HS6ST3: variants seen among roughly 807,000 people sequenced by gnomAD.
The protein encoded by HS6ST3 is heparan-sulfate 6-O-sulfotransferase 3.
HS6ST3 carries 12 observed loss-of-function variants against 36.7 expected under a neutral mutation model. The ratio of observed to expected loss-of-function variants is 0.33; its 90% CI spans 0.21 to 0.53. The LOEUF is 0.53. Ranked by LOEUF, HS6ST3 falls within the 20% of genes least tolerant of loss-of-function variation. The pLI, the probability that HS6ST3 is intolerant of heterozygous loss-of-function variation, is 0.95. For missense variants in HS6ST3, 584 were observed against 640.9 expected (o/e 0.91, Z 0.96); for synonymous variants, 240 against 257.5 (o/e 0.93, Z 0.65).
At chr13:96,514,514 G>A (rs1051333610) in intron 1 of HS6ST3, among the ~76,000 whole-genome samples, 1 of 152,126 alleles carries the variant, frequency 6.6e-6, no homozygotes, top group African/African-American at 2.4e-5. Context: ...ATTAAGGTTG[G>A]ATGAGGTCAT....
intron 1 of HS6ST3, among the ~76,000 whole-genome samples, chr13:96,823,491 A>G (rs570569957): frequency 5.3e-5 from 8 of 152,362 alleles, no homozygotes; most frequent in Middle Eastern, 3.4e-3. Context: ...AGTTAAAAAC[A>G]TGTTATAAAT....
chr13:96,356,028 T>A (rs1388476623), intron 1 of HS6ST3, among the ~76,000 whole-genome samples: 2 of 152,174 alleles, frequency 1.3e-5, no homozygotes, highest in Non-Finnish European at 2.9e-5. Flanking sequence ...CCTTACCCAT[T>A]TAAGTTTTAT....
At chr13:96,210,163 T>C (rs1024898612) in intron 1 of HS6ST3, among the ~76,000 whole-genome samples, 1 of 152,232 alleles carries the variant, frequency 6.6e-6, no homozygotes, top group African/African-American at 2.4e-5. Flanking sequence ...CCTGCTAATA[T>C]TGGGGCATTT....
At chr13:96,270,815 C>T (rs949908080) in intron 1 of HS6ST3, among the ~76,000 whole-genome samples, 2 of 151,842 alleles carry the variant, frequency 1.3e-5, no homozygotes. Flanking sequence ...TGCACTGTGT[C>T]TCCATCAGCC....
At chr13:96,720,804 T>C (rs559093602) in intron 1 of HS6ST3, among the ~76,000 whole-genome samples, 2 of 152,226 alleles carry the variant, frequency 1.3e-5, no homozygotes, top group Non-Finnish European at 2.9e-5. Flanking sequence ...GACATAGATA[T>C]GTTTTGCAGT....
At chr13:96,664,322 T>C (rs1341081310) in intron 1 of HS6ST3, among the ~76,000 whole-genome samples, 1 of 152,206 alleles carries the variant, frequency 6.6e-6, no homozygotes, top group Non-Finnish European at 1.5e-5. Context: ...TGTTTCAGTG[T>C]TTGTCATTGT....
At chr13:96,258,436 G>C (rs2054648213) in intron 1 of HS6ST3, among the ~76,000 whole-genome samples, 1 of 152,162 alleles carries the variant, frequency 6.6e-6, no homozygotes, top group Non-Finnish European at 1.5e-5. Flanking sequence ...AGGCTTTTGG[G>C]CTTTGGAATT....
intron 1 of HS6ST3, among the ~76,000 whole-genome samples, chr13:96,650,047 C>A (rs977979237): frequency 4.0e-5 from 6 of 151,862 alleles, no homozygotes; most frequent in Non-Finnish European, 8.8e-5. Flanking sequence ...CTTCTGTCAA[C>A]CCTCTGCTTG....
chr13:96,599,515 CT>C (rs2056413869), intron 1 of HS6ST3, among the ~76,000 whole-genome samples: 1 of 151,594 alleles, frequency 6.6e-6, no homozygotes, highest in African/African-American at 2.4e-5. Context: ...TGCTTTGAGT[CT>C]TCTCTCTTTT....
At chr13:96,309,667 T>A (rs765688783) in intron 1 of HS6ST3, among the ~76,000 whole-genome samples, 16 of 152,202 alleles carry the variant, frequency 1.1e-4, no homozygotes, top group Non-Finnish European at 2.1e-4. Context: ...TAAGATTTAA[T>A]GACTGAGTAG....
At chr13:96,416,211 GT>G (rs1366113186) in intron 1 of HS6ST3, among the ~76,000 whole-genome samples, 1 of 152,140 alleles carries the variant, frequency 6.6e-6, no homozygotes, top group Non-Finnish European at 1.5e-5. Flanking sequence ...AGCTTTTTTA[GT>G]TAGTGGCAAA....
chr13:96,457,966 A>G (rs1169596234), intron 1 of HS6ST3, among the ~76,000 whole-genome samples: 2 of 152,050 alleles, frequency 1.3e-5, no homozygotes, highest in South Asian at 2.1e-4. Flanking sequence ...TAGCTAGTGG[A>G]TAAGCCTCCT....
chr13:96,119,587 C>T (rs1437912298), intron 1 of HS6ST3, among the ~76,000 whole-genome samples: 1 of 152,142 alleles, frequency 6.6e-6, no homozygotes, highest in Non-Finnish European at 1.5e-5. Flanking sequence ...TGCCTGATTG[C>T]TCAGTGATCA....
At chr13:96,150,895 A>G (rs1356241080) in intron 1 of HS6ST3, among the ~76,000 whole-genome samples, 1 of 152,234 alleles carries the variant, frequency 6.6e-6, no homozygotes, top group African/African-American at 2.4e-5. Context: ...ATAACATAAT[A>G]TATAATGTGA....
Position 96,803,755 on chromosome 13 carries a change from G to GC in HS6ST3, c.708-28734dup, listed in dbSNP as rs1392436596. On this transcript the variant is annotated intron_variant, in intron 1 of 1. Transcript: ENST00000376705. ...TCGTGTTGGGGCATGGGTAATTCTA[G>GC]CATCTGGAGTCTTTGACAGCAGGCA... Among the ~76,000 whole-genome samples, 7 of 152,230 alleles carry GC rather than the reference G, an allele frequency of 4.6e-5. No individual in the cohort carries two copies. In the East Asian group the frequency reaches 1.2e-3, roughly 25 times the overall value.
intron 1 of HS6ST3, among the ~76,000 whole-genome samples, chr13:96,758,745 T>G (rs1259556928): frequency 6.6e-6 from 1 of 151,938 alleles, no homozygotes; most frequent in East Asian, 1.9e-4. Context: ...ATTTCCATTT[T>G]TCTTAATTTA....
At chr13:96,097,495 A>G (rs2053797209) in intron 1 of HS6ST3, among the ~76,000 whole-genome samples, 1 of 152,214 alleles carries the variant, frequency 6.6e-6, no homozygotes, top group Non-Finnish European at 1.5e-5. Flanking sequence ...TGGAAAATCC[A>G]AATTAATATT....
intron 1 of HS6ST3, among the ~76,000 whole-genome samples, chr13:96,554,764 G>A (rs2056233199): frequency 6.6e-6 from 1 of 152,002 alleles, no homozygotes; most frequent in East Asian, 1.9e-4. Flanking sequence ...TTACTGTAGT[G>A]TGGGGATTGA....
chr13:96,109,602 G>C (rs1396998869), intron 1 of HS6ST3, among the ~76,000 whole-genome samples: 1 of 152,152 alleles, frequency 6.6e-6, no homozygotes, highest in Non-Finnish European at 1.5e-5. Flanking sequence ...TGTTTGTTCT[G>C]TTCTGGAGAA....
Sources: gnomAD v4.1 joint callset for allele counts (sites outside exome capture counted in the v4.1 genomes callset) on GRCh38, gnomAD v4.1.1 for gene constraint, MANE v1.5 for transcripts, NCBI Gene and HGNC (gene_info 2026-07-23, HGNC 2026-07-21) for gene names.